AFAP1: variants seen among roughly 807,000 people sequenced by gnomAD.
The protein encoded by AFAP1 is actin filament associated protein 1.
AFAP1 carries 75 observed loss-of-function variants against 93.9 expected under a neutral mutation model. That is an observed-to-expected ratio of 0.80 (90% CI 0.66 to 0.97). The LOEUF (loss-of-function observed/expected upper bound fraction) is 0.97, where lower values mean the gene tolerates loss of function less well. Among genes scored for constraint, AFAP1 ranks in the 50% least tolerant of loss-of-function variants. The pLI, the probability that AFAP1 is intolerant of heterozygous loss-of-function variation, is 0.00. For synonymous variants in AFAP1, 517 were observed against 430.7 expected (o/e 1.20, Z -2.48); for missense variants, 1,201 against 1,050.8 (o/e 1.14, Z -1.98).
At chr4:7,842,378 G>T (rs1188686028) in intron 5 of AFAP1, among the ~76,000 whole-genome samples, 1 of 149,258 alleles carries the variant, frequency 6.7e-6, no homozygotes, top group Non-Finnish European at 1.5e-5. Flanking sequence ...ATAAATTCTT[G>T]TTTTCTAATT....
At chr4:7,846,542 G>A (rs79078501) in intron 4 of AFAP1, among the ~76,000 whole-genome samples, 3,238 of 152,206 alleles carry the variant, frequency 0.021, 112 homozygotes, top group African/African-American at 0.074. Flanking sequence ...CTCAGGGCTC[G>A]GCCCACTTGC....
chr4:7,893,700 C>A (rs546070293), intron 1 of AFAP1, among the ~76,000 whole-genome samples: 1 of 152,178 alleles, frequency 6.6e-6, no homozygotes, highest in African/African-American at 2.4e-5. Context: ...CAACTCACCA[C>A]CGGGGGTTCT....
intron 4 of AFAP1, 22 bp downstream of exon 4, chr4:7,855,444 C>A (rs1351078386): frequency 1.3e-6 from 2 of 1,538,560 alleles, no homozygotes; most frequent in African/African-American, 2.7e-5. Context: ...GGCAGCATGG[C>A]TGGGCAGGGC....
intron 6 of AFAP1, 87 bp from the exon 7 acceptor site, chr4:7,819,258 A>G: frequency 1.6e-6 from 2 of 1,218,280 alleles, no homozygotes; most frequent in Non-Finnish European, 2.2e-6. Flanking sequence ...ACAGAGGCAC[A>G]TGGCGTGGTA....
At position 7,800,465 on chromosome 4, in the gene AFAP1, C is replaced by G. The variant is rs1288459363; in HGVS notation, c.1243G>C (p.Gly415Arg). 2 of 1,614,184 alleles carry G rather than the reference C, an allele frequency of 1.2e-6. No individual in the cohort carries two copies. Among genetic ancestry groups the G allele is most frequent in the African/African-American group, 1.3e-5 (1 of 75,052 alleles). ...ACCTCCAATACTGCAACCTCCTGGCCGTTGCGCAGCAGCCGGAACGTCAGA... is the reference window on the plus strand; with the variant it reads ...ACCTCCAATACTGCAACCTCCTGGCGGTTGCGCAGCAGCCGGAACGTCAGA... ...HPLTFRLLRN[G>R]QEVAVLEASS... The change falls in exon 10 of 18, where the codon GGC becomes CGC. Residue 415 changes from glycine (G) to arginine (R), a missense_variant. By Grantham distance (125) the Gly-to-Arg change is moderately radical (BLOSUM62 -2). Transcript: ENST00000420658.
intron 1 of AFAP1, among the ~76,000 whole-genome samples, chr4:7,913,364 T>C (rs1408629290): frequency 7.5e-6 from 1 of 133,512 alleles, no homozygotes; most frequent in African/African-American, 2.9e-5. Context: ...CACTCCAGCC[T>C]GGGAGACAGT....
chr4:7,796,284 T>C (rs1333879922), intron 10 of AFAP1, among the ~76,000 whole-genome samples: 3 of 152,218 alleles, frequency 2.0e-5, no homozygotes, highest in South Asian at 4.1e-4. Flanking sequence ...GGGCATCTCC[T>C]TGTGCCACAA....
At chr4:7,788,233 T>C (rs1386160065) in intron 11 of AFAP1, among the ~76,000 whole-genome samples, 1 of 152,200 alleles carries the variant, frequency 6.6e-6, no homozygotes, top group East Asian at 1.9e-4. Context: ...GGGTATTTCA[T>C]AGGATCCTGC....
At chr4:7,821,020 A>G (rs750600863) in intron 6 of AFAP1, among the ~76,000 whole-genome samples, 18 of 152,196 alleles carry the variant, frequency 1.2e-4, no homozygotes, top group Non-Finnish European at 2.2e-4. Context: ...CAGGAGGCTG[A>G]GGCAGAAGAA....
At chr4:7,798,442 ACCCTATTGGCTGGCTC>A (rs1718690127) in intron 10 of AFAP1, among the ~76,000 whole-genome samples, 1 of 150,724 alleles carries the variant, frequency 6.6e-6, no homozygotes, top group Non-Finnish European at 1.5e-5. Context: ...CAGCATTGCA[ACCCTATTGGCTGGCTC>A]ACGGCATTGC....
At chr4:7,873,015 C>G (rs779878672) in intron 1 of AFAP1, among the ~76,000 whole-genome samples, 2 of 149,870 alleles carry the variant, frequency 1.3e-5, no homozygotes, top group Non-Finnish European at 3.0e-5. Flanking sequence ...TTTGGGAGAC[C>G]CAGGCAGGCG....
rs954410354 is a variant in AFAP1, at chr4:7,771,797, C to T, written c.2253+1023G>A. Among the ~76,000 whole-genome samples the T allele has an allele frequency of 1.4e-4, 21 of 152,090 alleles. 1 individual carries two copies. Among genetic ancestry groups the T allele is most frequent in the African/African-American group, 4.6e-4 (19 of 41,476 alleles). On this transcript the variant is annotated intron_variant, in intron 16 of 17. Coordinates refer to ENST00000420658, the MANE Select transcript of AFAP1 (RefSeq NM_001134647.2). ...CTGGCTGCTTGCTCAGCTCTGCAGG[C>T]GGGAGGGAGGTTGTCCTCTGGGTTG...
chr4:7,827,148 G>A (rs774450189), intron 6 of AFAP1, among the ~76,000 whole-genome samples: 6 of 152,126 alleles, frequency 3.9e-5, no homozygotes, highest in Non-Finnish European at 7.3e-5. Context: ...GGACCCGTAA[G>A]CCCGAGTACA....
At chr4:7,788,926 T>A (rs1717572852) in intron 11 of AFAP1, 1 of 152,244 alleles carries the variant, frequency 6.6e-6, no homozygotes, top group Non-Finnish European at 1.5e-5. Context: ...GGACAAAGGA[T>A]GGGGTCAGAA....
chr4:7,832,337 A>C (rs1302844862), intron 6 of AFAP1, among the ~76,000 whole-genome samples: 2 of 152,114 alleles, frequency 1.3e-5, no homozygotes, highest in African/African-American at 4.8e-5. Flanking sequence ...AACATGAAAA[A>C]AAAAAAGCAT....
chr4:7,871,845 T>C (rs759769627), intron 2 of AFAP1, 107 bp downstream of exon 2: 34 of 1,423,614 alleles, frequency 2.4e-5, no homozygotes, highest in African/African-American at 2.9e-5. Flanking sequence ...AATAAGCTTG[T>C]AAGTTAAAGA....
intron 6 of AFAP1, among the ~76,000 whole-genome samples, chr4:7,825,934 A>G (rs1721378616): frequency 6.6e-6 from 1 of 151,076 alleles, no homozygotes; most frequent in Admixed American, 6.6e-5. Context: ...ACCCTGACAA[A>G]TAAAACAAGT....
intron 5 of AFAP1, among the ~76,000 whole-genome samples, chr4:7,840,779 A>C (rs1197552295): frequency 6.6e-6 from 1 of 152,236 alleles, no homozygotes; most frequent in Non-Finnish European, 1.5e-5. Context: ...GAGTATGTAT[A>C]AAAAGAAAGG....
chr4:7,826,471 G>A (rs1721431483), intron 6 of AFAP1, among the ~76,000 whole-genome samples: 1 of 152,208 alleles, frequency 6.6e-6, no homozygotes, highest in Admixed American at 6.5e-5. Flanking sequence ...TTTCGCCCAA[G>A]GCACAAAAAG....
Sources: allele counts gnomAD v4.1 joint callset (sites outside exome capture counted in the v4.1 genomes callset), GRCh38; gene constraint gnomAD v4.1.1; transcripts MANE v1.5; gene names NCBI Gene and HGNC (gene_info 2026-07-23, HGNC 2026-07-21).